CDH4: variants seen among roughly 807,000 people sequenced by gnomAD.
CDH4 encodes cadherin 4.
A neutral mutation model predicts 86.0 loss-of-function variants in CDH4; 33 were observed. The ratio of observed to expected loss-of-function variants is 0.38; its 90% CI spans 0.29 to 0.51. The LOEUF is 0.51. Ranked by LOEUF, CDH4 falls within the 20% of genes least tolerant of loss-of-function variation. The pLI is 0.86. For missense variants in CDH4, 1,114 were observed against 1,307.4 expected (o/e 0.85, Z 2.28); for synonymous variants, 555 against 549.4 (o/e 1.01, Z -0.14).
At chr20:61,629,245 C>T (rs929598466) in intron 2 of CDH4, among the ~76,000 whole-genome samples, 3 of 152,168 alleles carry the variant, frequency 2.0e-5, no homozygotes, top group Non-Finnish European at 4.4e-5. Flanking sequence ...CCCCCTGTGG[C>T]TCTGTGCACC....
intron 2 of CDH4, among the ~76,000 whole-genome samples, chr20:61,375,582 CATAGCACTGGTGGT>C (rs2084863038): frequency 1.6e-5 from 1 of 62,754 alleles, no homozygotes; most frequent in African/African-American, 1.3e-4. Flanking sequence ...TGGTGGTGGT[CATAGCACTGGTGGT>C]GGTCATAGCA....
intron 2 of CDH4, among the ~76,000 whole-genome samples, chr20:61,490,119 T>C (rs1187126741): frequency 6.6e-6 from 1 of 152,184 alleles, no homozygotes; most frequent in African/African-American, 2.4e-5. Context: ...GGCCCAACAA[T>C]TTTTTTCCTA....
rs111872653 is a variant in CDH4, at chr20:61,711,986, C to G, written c.170-31577C>G. ...AGTTGCTGGGAGCCTGTGACAGACA[C>G]TGCCCCACTCTGTGCAGGAGGGGTC... On this transcript the variant is annotated intron_variant, in intron 2 of 15. Transcript: ENST00000614565. Among the ~76,000 whole-genome samples, 738 of 152,302 alleles carry G rather than the reference C, an allele frequency of 4.8e-3. 3 individuals carry two copies. Among genetic ancestry groups the G allele is most frequent in the Non-Finnish European group, 7.9e-3 (535 of 68,032 alleles).
chr20:61,840,459 C>A (rs1982109519), intron 4 of CDH4, among the ~76,000 whole-genome samples: 1 of 152,242 alleles, frequency 6.6e-6, no homozygotes, highest in African/African-American at 2.4e-5. Context: ...TGTCATCCAG[C>A]CATTTCTGAG....
In CDH4 at chr20:61,874,159, A is replaced by C. The variant is rs181032456; in HGVS notation, c.1050+259A>C. Among the ~76,000 whole-genome samples the C allele has an allele frequency of 2.7e-3, 409 of 151,856 alleles. 2 individuals are homozygous for C. The highest frequency in any genetic ancestry group is 0.01 in the Middle Eastern group (3 of 294). On this transcript the variant is annotated intron_variant, in intron 7 of 15. Coordinates refer to ENST00000614565, the MANE Select transcript of CDH4 (RefSeq NM_001794.5). ...TGGCTATGGGCGGAGGCCTCAGAAA[A>C]GCAGGGACCACCCGCTGGGGTCTCG...
At chr20:61,680,529 T>G (rs573055155) in intron 2 of CDH4, among the ~76,000 whole-genome samples, 1 of 151,832 alleles carries the variant, frequency 6.6e-6, no homozygotes, top group South Asian at 2.1e-4. Flanking sequence ...GGGCAGGGGC[T>G]CTAAAAATGG....
intron 4 of CDH4, among the ~76,000 whole-genome samples, chr20:61,802,839 G>C (rs945355428): frequency 6.6e-6 from 1 of 152,244 alleles, no homozygotes; most frequent in Non-Finnish European, 1.5e-5. Flanking sequence ...GTCCACAGAG[G>C]CTTCACAGGT....
chr20:61,825,666 T>C (rs1264658612), intron 4 of CDH4, among the ~76,000 whole-genome samples: 1 of 152,172 alleles, frequency 6.6e-6, no homozygotes, highest in Non-Finnish European at 1.5e-5. Context: ...AGGCAGAAAA[T>C]GGAAGCAGAA....
At chr20:61,771,415 G>A (rs1256421784) in intron 3 of CDH4, among the ~76,000 whole-genome samples, 1 of 151,930 alleles carries the variant, frequency 6.6e-6, no homozygotes, top group African/African-American at 2.4e-5. Flanking sequence ...CCGGAGGTCG[G>A]GAGTTTGAGA....
intron 7 of CDH4, among the ~76,000 whole-genome samples, chr20:61,885,114 C>T (rs770890313): frequency 4.6e-5 from 7 of 152,288 alleles, no homozygotes; most frequent in African/African-American, 7.2e-5. Context: ...TGCAAGGCAG[C>T]GGGGACTGAA....
At chr20:61,752,878 G>A (rs1212245366) in intron 3 of CDH4, among the ~76,000 whole-genome samples, 1 of 152,240 alleles carries the variant, frequency 6.6e-6, no homozygotes, top group African/African-American at 2.4e-5. Flanking sequence ...CTTTCAGGGG[G>A]CAGCAGGAAG....
intron 2 of CDH4, among the ~76,000 whole-genome samples, chr20:61,362,588 G>C (rs987084449): frequency 3.3e-5 from 5 of 151,970 alleles, no homozygotes; most frequent in African/African-American, 1.2e-4. Flanking sequence ...CAGAGACGTG[G>C]CCTAGGACAG....
At chr20:61,767,930 G>A (rs375277386) in intron 3 of CDH4, among the ~76,000 whole-genome samples, 1 of 152,202 alleles carries the variant, frequency 6.6e-6, no homozygotes, top group Non-Finnish European at 1.5e-5. Flanking sequence ...CCGGGAAGCT[G>A]CCCCCTCATG....
At chr20:61,376,951 A>G (rs2084876056) in intron 2 of CDH4, among the ~76,000 whole-genome samples, 1 of 152,182 alleles carries the variant, frequency 6.6e-6, no homozygotes, top group Admixed American at 6.5e-5. Flanking sequence ...TCCTGAGTCA[A>G]AAGCCTGCTT....
intron 2 of CDH4, among the ~76,000 whole-genome samples, chr20:61,573,022 A>ATGGT (rs1568692535): frequency 3.7e-4 from 49 of 133,908 alleles, no homozygotes; most frequent in African/African-American, 1.5e-3. Context: ...TGATGGATGG[A>ATGGT]TGGATGGTTG....
At chr20:61,267,197 A>G (rs546554153) in intron 2 of CDH4, among the ~76,000 whole-genome samples, 4 of 152,166 alleles carry the variant, frequency 2.6e-5, no homozygotes, top group Non-Finnish European at 4.4e-5. Flanking sequence ...GAAGCCACCA[A>G]GTTTATGGTC....
At chr20:61,527,398 C>T (rs182296211) in intron 2 of CDH4, among the ~76,000 whole-genome samples, 6 of 152,152 alleles carry the variant, frequency 3.9e-5, no homozygotes, top group South Asian at 2.1e-4. Flanking sequence ...TACAGGTGTG[C>T]GCCACCACGC....
chr20:61,590,640 C>T (rs375315614), intron 2 of CDH4, among the ~76,000 whole-genome samples: 28 of 152,346 alleles, frequency 1.8e-4, no homozygotes, highest in African/African-American at 6.5e-4. Flanking sequence ...CTGCCAGGCT[C>T]TGACCTCAGG....
chr20:61,757,365 G>A (rs978728246), intron 3 of CDH4, among the ~76,000 whole-genome samples: 12 of 152,262 alleles, frequency 7.9e-5, no homozygotes, highest in Non-Finnish European at 1.6e-4. Flanking sequence ...AAGGACGGGA[G>A]TGACTATTGG....
Sources: gnomAD v4.1 joint callset for allele counts (sites outside exome capture counted in the v4.1 genomes callset) on GRCh38, gnomAD v4.1.1 for gene constraint, MANE v1.5 for transcripts, NCBI Gene and HGNC (gene_info 2026-07-23, HGNC 2026-07-21) for gene names.